The following ARHGAP32 variants were observed in gnomAD, a reference collection of about 807,000 sequenced individuals.
The protein encoded by ARHGAP32 is rho GTPase-activating protein 32.
Under a neutral mutation model 186.5 loss-of-function variants are expected in ARHGAP32, and 51 were observed. The observed-to-expected ratio is 0.27, with a 90% CI of 0.22 to 0.35. The LOEUF (loss-of-function observed/expected upper bound fraction) is 0.35. ARHGAP32 is among the 10% of genes least tolerant of loss of function. The probability of loss-of-function intolerance (pLI) is 1.00; values close to 1 mark genes in which losing one functional copy is unlikely to be tolerated. For missense variants in ARHGAP32, 2,186 were observed against 2,623.5 expected (o/e 0.83, Z 3.64); for synonymous variants, 950 against 964.3 (o/e 0.99, Z 0.27).
rs144370845 is a variant in ARHGAP32, at chr11:129,000,467, A to C, written c.1046-1999T>G. Among the ~76,000 whole-genome samples the C allele has an allele frequency of 5.3e-3, 807 of 152,250 alleles. 7 individuals are homozygous for C. Among genetic ancestry groups the C allele is most frequent in the African/African-American group, 0.019 (770 of 41,544 alleles). On this transcript the variant is annotated intron_variant, in intron 11 of 22. Transcript: ENST00000682385. Reference sequence around the variant, plus strand: ...AGATGATTACTGAGAGTCTTACTGAAGCCTACTATACATTTAAAAAAATTT... The same window carrying C: ...AGATGATTACTGAGAGTCTTACTGACGCCTACTATACATTTAAAAAAATTT...
chr11:129,201,850 ATGCACATC>A (rs1273506953), intron 1 of ARHGAP32, among the ~76,000 whole-genome samples: 6 of 152,066 alleles, frequency 3.9e-5, no homozygotes, highest in Non-Finnish European at 7.4e-5. Flanking sequence ...AAGCATTGTG[ATGCACATC>A]TGTAGACCCA....
chr11:129,139,382 T>C (rs1449144338), intron 2 of ARHGAP32, among the ~76,000 whole-genome samples: 2 of 152,210 alleles, frequency 1.3e-5, no homozygotes, highest in Admixed American at 6.5e-5. Flanking sequence ...ATATATATGC[T>C]TCCCCTGCCC....
intron 6 of ARHGAP32, among the ~76,000 whole-genome samples, chr11:129,081,119 A>T (rs1428885734): frequency 6.6e-6 from 1 of 152,070 alleles, no homozygotes; most frequent in East Asian, 1.9e-4. Context: ...TGGTAATTTT[A>T]AAAACTGCCA....
chr11:129,196,789 A>G, upstream of ARHGAP32, among the ~76,000 whole-genome samples: 1 of 152,178 alleles, frequency 6.6e-6, no homozygotes, highest in South Asian at 2.1e-4. Context: ...CAGGATCAGT[A>G]GCTGATGCCT....
At chr11:129,274,510 A>G (rs1945508766) in intron 1 of ARHGAP32, among the ~76,000 whole-genome samples, 1 of 152,170 alleles carries the variant, frequency 6.6e-6, no homozygotes, top group African/African-American at 2.4e-5. Context: ...AGCATCAGCT[A>G]AGGCCAAGAA....
intron 1 of ARHGAP32, among the ~76,000 whole-genome samples, chr11:129,201,671 T>C (rs1447609682): frequency 6.6e-6 from 1 of 152,056 alleles, no homozygotes; most frequent in Non-Finnish European, 1.5e-5. Context: ...ATGTAGTGGT[T>C]ACATGAAAAC....
At chr11:129,245,379 C>T (rs1171573227) in intron 1 of ARHGAP32, among the ~76,000 whole-genome samples, 1 of 148,208 alleles carries the variant, frequency 6.7e-6, no homozygotes, top group African/African-American at 2.5e-5. Flanking sequence ...TATTCTCACT[C>T]ATAGGTGGGA....
chr11:129,241,143 C>CA (rs1234235779), intron 1 of ARHGAP32, among the ~76,000 whole-genome samples: 20 of 152,158 alleles, frequency 1.3e-4, no homozygotes, highest in African/African-American at 4.6e-4. Flanking sequence ...CTCACATGTA[C>CA]AAAATGTATA....
intron 6 of ARHGAP32, among the ~76,000 whole-genome samples, chr11:129,093,376 T>G (rs1941635028): frequency 6.6e-6 from 1 of 152,126 alleles, no homozygotes; most frequent in Non-Finnish European, 1.5e-5. Context: ...AGAGGAGACA[T>G]GCAAGTTGCA....
At position 128,969,189 on chromosome 11, in the gene ARHGAP32, G is replaced by T; in HGVS notation, c.6024C>A (p.Thr2008=). 3 of 1,613,886 alleles carry T rather than the reference G, an allele frequency of 1.9e-6. No individual in the cohort carries two copies. Among genetic ancestry groups the T allele is most frequent in the Non-Finnish European group, 2.5e-6 (3 of 1,179,878 alleles). ...ERSHSLKLHH[T]QNVERDPSVL... ...CACTGGGGTCCCTCTCCACGTTCTG[G>T]GTATGATGGAGTTTGAGGCTATGAC... The change falls in exon 23 of 23, where the codon ACC becomes ACA. Residue 2008 remains threonine (T), a synonymous_variant. Coordinates refer to ENST00000682385, the MANE Select transcript of ARHGAP32 (RefSeq NM_001378024.1). The surrounding 1 kb of genome is among the most constrained non-coding windows in gnomAD (Gnocchi z 4.8).
At chr11:129,201,309 T>A (rs1294592303) in intron 1 of ARHGAP32, among the ~76,000 whole-genome samples, 1 of 152,228 alleles carries the variant, frequency 6.6e-6, no homozygotes, top group African/African-American at 2.4e-5. Flanking sequence ...AAGTATGTAA[T>A]GTTTATCGAT....
At chr11:129,192,052 A>G (rs766860759) in intron 1 of ARHGAP32, 31 bp downstream of exon 1, 25 of 1,525,522 alleles carry the variant, frequency 1.6e-5, no homozygotes, top group Non-Finnish European at 2.3e-5. Context: ...GGGAGTGGAC[A>G]GGACAAAGGA....
At chr11:129,179,136 C>T (rs1051050764) in intron 1 of ARHGAP32, among the ~76,000 whole-genome samples, 4 of 151,886 alleles carry the variant, frequency 2.6e-5, no homozygotes, top group African/African-American at 4.8e-5. Context: ...GGGCGAAGGA[C>T]ATGAACAGAC....
intron 11 of ARHGAP32, among the ~76,000 whole-genome samples, chr11:129,037,907 C>T (rs534749027): frequency 2.6e-5 from 4 of 151,728 alleles, no homozygotes; most frequent in Admixed American, 2.6e-4. Context: ...TTAAGACCAG[C>T]CTGGCCAACA....
At position 128,973,342 on chromosome 11, in the gene ARHGAP32, C is replaced by T. The variant is rs1945447379; in HGVS notation, c.3164G>A (p.Arg1055Gln). The change falls in exon 22 of 23, where the codon CGA (arginine) becomes CAA (glutamine). Residue 1055 changes from arginine to glutamine, a missense_variant. By Grantham distance (43) the Arg-to-Gln change is conservative. Around this residue, in one of 5 missense-constraint regions of ARHGAP32, gnomAD observed 1,502 missense variants for 1,570.0 expected, o/e 0.96. Transcript: ENST00000682385. Reference protein sequence around the residue: ...PPPPPPKNVARMLALALAESA... With the variant: ...PPPPPPKNVAQMLALALAESA... ...CTCAGCTAATGCTAGCGCCAACATT[C>T]GGGCAACATTTTTCGGAGGCGGTGG... 6.8e-6 allele frequency: 11 copies of T among 1,614,006 alleles called. No individual in the cohort carries two copies. Among genetic ancestry groups the T allele is most frequent in the Non-Finnish European group, 9.3e-6 (11 of 1,180,020 alleles).
rs189187754 is a variant in ARHGAP32, at chr11:129,221,894, C to T, written c.-5+57252G>A. On this transcript the variant is annotated intron_variant, in intron 1 of 6. Transcript: ENST00000525234. ...TCTTTCTGCTCCTCCTGGACGTACCCACAGTATGTTACTTGTGGACACTCG... is the reference window on the plus strand; with the variant it reads ...TCTTTCTGCTCCTCCTGGACGTACCTACAGTATGTTACTTGTGGACACTCG... 3.9e-5 allele frequency among the ~76,000 whole-genome samples: 6 copies of T among 152,218 alleles called. No individual in the cohort carries two copies. The East Asian group carries it at 9.6e-4, about 24-fold the overall frequency.
chr11:129,115,716 CT>C (rs1306454659), intron 5 of ARHGAP32, among the ~76,000 whole-genome samples: 12 of 152,214 alleles, frequency 7.9e-5, no homozygotes, highest in East Asian at 1.9e-4. Context: ...GGCTAAGGGA[CT>C]GAACTTAACC....
chr11:129,187,129 G>C (rs747078242), intron 1 of ARHGAP32, among the ~76,000 whole-genome samples: 7 of 152,124 alleles, frequency 4.6e-5, no homozygotes, highest in Non-Finnish European at 7.4e-5. Context: ...TCCATCAATG[G>C]ATGAATGGAT....
chr11:129,264,436 T>C (rs1025064561), intron 1 of ARHGAP32, among the ~76,000 whole-genome samples: 1 of 152,180 alleles, frequency 6.6e-6, no homozygotes, highest in Non-Finnish European at 1.5e-5. Context: ...AACTACCTCA[T>C]GGGGGCACTT....
Sources: allele counts gnomAD v4.1 joint callset (sites outside exome capture counted in the v4.1 genomes callset), GRCh38; gene constraint gnomAD v4.1.1; regional missense constraint gnomAD v4.1.1; non-coding constraint Gnocchi (gnomAD v3.1); transcripts MANE v1.5; gene names NCBI Gene and HGNC (gene_info 2026-07-23, HGNC 2026-07-21).